MMP12: variants seen among roughly 807,000 people sequenced by gnomAD.
The protein encoded by MMP12 is macrophage metalloelastase.
In MMP12, 51 loss-of-function variants were observed where a neutral mutation model predicts 45.2. The observed-to-expected ratio is 1.13, with a 90% CI of 0.90 to 1.42. The LOEUF (loss-of-function observed/expected upper bound fraction) is 1.42, where lower values mean the gene tolerates loss of function less well. Among genes scored for constraint, MMP12 ranks in the 40% most tolerant of loss-of-function variants. MMP12 has a pLI of 0.00. For synonymous variants in MMP12, 210 were observed against 193.3 expected, an observed-to-expected ratio of 1.09 and a Z score of -0.72; for missense variants, 530 against 570.8, an observed-to-expected ratio of 0.93 and a Z score of 0.73.
At chr11:102,868,682 C>T (rs1859440914) in intron 4 of MMP12, among the ~76,000 whole-genome samples, 1 of 152,126 alleles carries the variant, frequency 6.6e-6, no homozygotes, top group Admixed American at 6.5e-5. Flanking sequence ...CTGTGCTCTC[C>T]ATTACAGATG....
In MMP12 at chr11:102,873,066, A is replaced by T; in HGVS notation, c.149T>A (p.Val50Glu). The change falls in exon 2 of 10, where the codon GTG becomes GAG. Residue 50 changes from valine (V) to glutamate (E), a missense_variant. Transcript: ENST00000571244. ...GTTTCCACTATATTTCATTTTTGTC[A>T]CTGGAAGTTTGTTTATCTCAAGGCC... ...FYGLEINKLP[V>E]TKMKYSGNLM... The T allele has an allele frequency of 6.2e-7, 1 of 1,613,004 alleles. No homozygotes were observed. The highest frequency in any genetic ancestry group is 1.1e-5 in the South Asian group (1 of 90,944).
intron 4 of MMP12, 52 bp downstream of exon 4, chr11:102,871,542 T>A: frequency 6.5e-7 from 1 of 1,542,026 alleles, no homozygotes; most frequent in Non-Finnish European, 8.8e-7. Context: ...TTTGTTGTTT[T>A]CCTTTCCTGT....
chr11:102,867,531 G>T, intron 5 of MMP12, 138 bp from the exon 6 acceptor site: 1 of 924,694 alleles, frequency 1.1e-6, no homozygotes. Flanking sequence ...AACATTCACA[G>T]GAAGTATAAA....
Position 102,871,590 on chromosome 11 carries a change from C to A in MMP12, c.625+4G>T. 6.4e-7 allele frequency: 1 copy of A among 1,551,572 alleles called. No homozygotes were observed. The highest frequency in any genetic ancestry group is 8.7e-7 in the Non-Finnish European group (1 of 1,147,062). On this transcript the variant is annotated splice_donor_region_variant and intron_variant, in intron 4 of 9. Transcript: ENST00000571244. ...TTGTTTGTTTGTTTGTTTGTTTTGC[C>A]CACCTCCTGAATGTGTAGTCCAGAA...
chr11:102,863,036 C>A lies in MMP12; in HGVS notation c.*64G>T, dbSNP rs1333066582. 4.7e-6 allele frequency: 5 copies of A among 1,054,154 alleles called. No individual in the cohort carries two copies. In the African/African-American group the frequency reaches 6.4e-5, roughly 13 times the overall value. The allele number at this position is 1,054,154 out of a possible 1,614,324, so 65.3% of individuals were successfully genotyped here. On this transcript the variant is annotated 3_prime_UTR_variant, in exon 10 of 10. Transcript: ENST00000571244. Reference sequence around the variant, plus strand: ...AAGTAGTGGTACACTGAGGACATAGCAAATATGCAATAAATACTTATTAAG... The same window carrying A: ...AAGTAGTGGTACACTGAGGACATAGAAAATATGCAATAAATACTTATTAAG...
In MMP12 at chr11:102,872,860, G is replaced by A. The variant is rs200871846; in HGVS notation, c.350+5C>T. 9 of 1,613,276 alleles carry A rather than the reference G, an allele frequency of 5.6e-6. No homozygotes were observed. The East Asian group carries it at 6.7e-5, about 12-fold the overall frequency. ...AAAATACAGGGCGACATACACCAAC[G>A]TTACCTGTAGGTGATATAATGTTTC... is the stretch of plus-strand genomic sequence containing the variant. On this transcript the variant is annotated splice_donor_5th_base_variant and intron_variant, in intron 2 of 9. Transcript: ENST00000571244.
Position 102,868,086 on chromosome 11 carries a change from CA to C in MMP12, c.626-18del. The C allele has an allele frequency of 6.3e-7, 1 of 1,576,192 alleles. No homozygotes were observed. The highest frequency in any genetic ancestry group is 8.6e-7 in the Non-Finnish European group (1 of 1,157,618). On this transcript the variant is annotated intron_variant, in intron 4 of 9. Coordinates refer to ENST00000571244, the MANE Select transcript of MMP12 (RefSeq NM_002426.6). ...AGTTTGTGCCTAAGAAGAAACCAAC[CA>C]AAAGACAGCTGTGAAATGCATTATC...
chr11:102,863,895 G>A (rs542396495), intron 9 of MMP12, among the ~76,000 whole-genome samples: 1 of 152,174 alleles, frequency 6.6e-6, no homozygotes, highest in Non-Finnish European at 1.5e-5. Context: ...TCAGGTACAT[G>A]AGAAATAGGA....
chr11:102,866,924 C>G (rs1859398366), intron 6 of MMP12, among the ~76,000 whole-genome samples: 1 of 152,310 alleles, frequency 6.6e-6, no homozygotes, highest in South Asian at 2.1e-4. Context: ...ACCAGGAAAT[C>G]AAGTCTCTTG....
At chr11:102,869,842 C>T (rs1334506042) in intron 4 of MMP12, among the ~76,000 whole-genome samples, 2 of 152,140 alleles carry the variant, frequency 1.3e-5, no homozygotes, top group East Asian at 1.9e-4. Context: ...TTGCTTGAAC[C>T]CTGGAGGCGA....
chr11:102,864,987 A>G (rs1859360190), intron 8 of MMP12, among the ~76,000 whole-genome samples: 1 of 152,254 alleles, frequency 6.6e-6, no homozygotes, highest in Non-Finnish European at 1.5e-5. Flanking sequence ...AACAGGCTAC[A>G]GCAAACTACA....
At chr11:102,868,625 A>G (rs547916579) in intron 4 of MMP12, among the ~76,000 whole-genome samples, 1 of 152,314 alleles carries the variant, frequency 6.6e-6, no homozygotes, top group South Asian at 2.1e-4. Context: ...AGTCACTGAG[A>G]AATGTAACAC....
In MMP12 at chr11:102,865,779, C is replaced by T; in HGVS notation, c.1202G>A (p.Trp401Ter). Residue 401 changes from tryptophan to a stop codon, truncating the protein, a stop_gained, in exon 8 of 10, where the codon TGG becomes TAG. Transcript: ENST00000571244. LOFTEE classifies it high-confidence loss of function. This position sits in a 1 kb window ranked among gnomAD's most constrained non-coding sequence, Gnocchi z 4.1. ...ATGACCAACCATTAAAACTCACCTC[C>T]AATACTGGTTATCTACAAAGAAGTA... Reference protein sequence around the residue: ...RTYFFVDNQYWRYDERRQMMD... With the variant: ...RTYFFVDNQY The T allele has an allele frequency of 6.2e-7, 1 of 1,608,466 alleles. No homozygotes were observed. Among genetic ancestry groups the T allele is most frequent in the Non-Finnish European group, 8.5e-7 (1 of 1,177,148 alleles).
chr11:102,865,993 T>C lies in MMP12; in HGVS notation c.1046-58A>G. Reference sequence around the variant, plus strand: ...TTATACAGGAAGAGTAATAAGAAAATATTGATTTACTATAAACAACATAAT... The same window carrying C: ...TTATACAGGAAGAGTAATAAGAAAACATTGATTTACTATAAACAACATAAT... On this transcript the variant is annotated intron_variant, in intron 7 of 9. Coordinates refer to ENST00000571244, the MANE Select transcript of MMP12 (RefSeq NM_002426.6). This position sits in a 1 kb window ranked among gnomAD's most constrained non-coding sequence, Gnocchi z 4.1. 1 of 1,330,696 alleles carries C rather than the reference T, an allele frequency of 7.5e-7. No individual in the cohort carries two copies. The highest frequency in any genetic ancestry group is 1.0e-6 in the Non-Finnish European group (1 of 960,426). The allele number at this position is 1,330,696 out of a possible 1,614,324, so 82.4% of individuals were successfully genotyped here.
chr11:102,867,808 A>C, intron 5 of MMP12, 100 bp downstream of exon 5: 1 of 1,299,884 alleles, frequency 7.7e-7, no homozygotes, highest in Non-Finnish European at 1.1e-6. Context: ...GCGGCTTAAA[A>C]AAAGACAGAT....
intron 9 of MMP12, among the ~76,000 whole-genome samples, chr11:102,863,685 T>A (rs899966024): frequency 6.6e-6 from 1 of 152,060 alleles, no homozygotes; most frequent in African/African-American, 2.4e-5. Flanking sequence ...TTTGAAGACA[T>A]ACGATACAAA....
At chr11:102,868,455 G>A (rs1018052400) in intron 4 of MMP12, among the ~76,000 whole-genome samples, 6 of 152,084 alleles carry the variant, frequency 3.9e-5, no homozygotes, top group Non-Finnish European at 5.9e-5. Context: ...TCACAGCTGC[G>A]TTCAACAGTT....
chr11:102,866,047 C>T, intron 7 of MMP12, 112 bp from the exon 8 acceptor site: 2 of 908,604 alleles, frequency 2.2e-6, no homozygotes, highest in Non-Finnish European at 1.6e-6. Flanking sequence ...ATATTTATTG[C>T]TTATTGATCT....
intron 7 of MMP12, 99 bp from the exon 8 acceptor site, chr11:102,866,034 A>T: frequency 1.0e-6 from 1 of 992,252 alleles, no homozygotes; most frequent in Non-Finnish European, 1.4e-6. Flanking sequence ...TCCAACAGTT[A>T]TAATATTTAT....
Sources: gnomAD v4.1 joint callset for allele counts (sites outside exome capture counted in the v4.1 genomes callset) on GRCh38, gnomAD v4.1.1 for gene constraint, Gnocchi (gnomAD v3.1) non-coding constraint, MANE v1.5 for transcripts, NCBI Gene and HGNC (gene_info 2026-07-23, HGNC 2026-07-21) for gene names.